GRK3: variants seen among roughly 807,000 people sequenced by gnomAD.
GRK3 encodes G protein-coupled receptor kinase 3, also known as adrenergic, beta, receptor kinase 2.
GRK3 carries 54 observed loss-of-function variants against 95.7 expected under a neutral mutation model. The observed-to-expected ratio is 0.56, with a 90% CI of 0.45 to 0.71. GRK3 has a LOEUF of 0.71. Ranked by LOEUF, GRK3 falls within the 30% of genes least tolerant of loss-of-function variation. The pLI is 0.00. For missense variants in GRK3, 649 were observed against 851.2 expected, an observed-to-expected ratio of 0.76 and a Z score of 2.96; for synonymous variants, 281 against 290.8, an observed-to-expected ratio of 0.97 and a Z score of 0.34.
intron 3 of GRK3, chr22:25,647,640 A>C: frequency 6.8e-7 from 1 of 1,462,112 alleles, no homozygotes. Flanking sequence ...ATACAGAAGG[A>C]GACTGGTGGG....
chr22:25,589,931 G>C (rs1394931168), intron 1 of GRK3, among the ~76,000 whole-genome samples: 1 of 152,132 alleles, frequency 6.6e-6, no homozygotes, highest in South Asian at 2.1e-4. Context: ...ATCAGATCTC[G>C]TGAGACTAAT....
chr22:25,700,875 C>T (rs1428024985), intron 13 of GRK3, among the ~76,000 whole-genome samples: 2 of 152,200 alleles, frequency 1.3e-5, no homozygotes, highest in East Asian at 1.9e-4. Flanking sequence ...TGACCCACCG[C>T]GCCCGGCCTC....
intron 1 of GRK3, among the ~76,000 whole-genome samples, chr22:25,593,051 C>T (rs1470197074): frequency 1.3e-5 from 2 of 151,892 alleles, no homozygotes; most frequent in Non-Finnish European, 2.9e-5. Flanking sequence ...TTTTCTTTAT[C>T]CAGTCCACCA....
chr22:25,663,784 A>G lies in GRK3; in HGVS notation c.441+80A>G, dbSNP rs1569184436. The G allele has an allele frequency of 7.3e-6, 7 of 961,802 alleles. No homozygotes were observed. In the East Asian group the frequency reaches 1.2e-4, roughly 17 times the overall value. The allele number at this position is 961,802 out of a possible 1,614,324, so 59.6% of individuals were successfully genotyped here. On this transcript the variant is annotated intron_variant, in intron 5 of 20. Coordinates refer to ENST00000324198, the MANE Select transcript of GRK3 (RefSeq NM_005160.4). ...TGGTGACATTCTTTTTGCATGTGCA[A>G]TTACACTAGAGGACTTGCTTTGTAA...
intron 3 of GRK3, among the ~76,000 whole-genome samples, chr22:25,660,947 T>G (rs2146400467): frequency 6.6e-6 from 1 of 152,334 alleles, no homozygotes; most frequent in South Asian, 2.1e-4. Context: ...CCAACCAGGT[T>G]ACCTTTGCTG....
At position 25,705,031 on chromosome 22, in the gene GRK3, A is replaced by G. The variant is rs1020652149; in HGVS notation, c.1328+822A>G. On this transcript the variant is annotated intron_variant, in intron 15 of 20. Coordinates refer to ENST00000324198, the MANE Select transcript of GRK3 (RefSeq NM_005160.4). ...TAACTTTTAACTGTATATTACCTAT[A>G]TGTATATCATACATATGTGTATGTA... is the stretch of plus-strand genomic sequence containing the variant. 3.3e-5 allele frequency among the ~76,000 whole-genome samples: 5 copies of G among 152,260 alleles called. No individual in the cohort carries two copies. In the East Asian group the frequency reaches 5.8e-4, roughly 18 times the overall value.
At position 25,704,112 on chromosome 22, in the gene GRK3, G is replaced by A. The variant is rs1316665820; in HGVS notation, c.1231G>A (p.Val411Met). Residue 411 changes from valine to methionine, a missense_variant, in exon 15 of 21, where the codon GTG becomes ATG. By Grantham distance (21) the Val-to-Met change is conservative. Transcript: ENST00000324198. ...ATCTTACTCGTCTTTTCCCCAGAATGTGGAACTTCCAGACACCTTCTCTCC... is the reference window on the plus strand; with the variant it reads ...ATCTTACTCGTCTTTTCCCCAGAATATGGAACTTCCAGACACCTTCTCTCC... ...EIDRMTLTVNVELPDTFSPEL... is the reference protein window; with the variant it reads ...EIDRMTLTVNMELPDTFSPEL... 3.1e-6 allele frequency: 5 copies of A among 1,610,510 alleles called. No individual in the cohort carries two copies. The highest frequency in any genetic ancestry group is 2.5e-6 in the Non-Finnish European group (3 of 1,177,982).
At chr22:25,715,345 C>G (rs921147545) in intron 18 of GRK3, among the ~76,000 whole-genome samples, 1 of 152,144 alleles carries the variant, frequency 6.6e-6, no homozygotes, top group Non-Finnish European at 1.5e-5. Flanking sequence ...GAAACCCCAT[C>G]TCTACAAAAA....
chr22:25,717,657 G>A (rs2085397556), intron 18 of GRK3, among the ~76,000 whole-genome samples: 1 of 151,956 alleles, frequency 6.6e-6, no homozygotes. Flanking sequence ...CTTTTTTTAA[G>A]GACACAGTCC....
intron 1 of GRK3, among the ~76,000 whole-genome samples, chr22:25,576,396 T>G (rs933864839): frequency 1.3e-5 from 2 of 152,196 alleles, no homozygotes; most frequent in African/African-American, 4.8e-5. Flanking sequence ...CCATTGTAAT[T>G]GGTGGGCACA....
chr22:25,710,572 G>T (rs958946393), intron 16 of GRK3, among the ~76,000 whole-genome samples: 1 of 152,218 alleles, frequency 6.6e-6, no homozygotes, highest in African/African-American at 2.4e-5. Flanking sequence ...AACTCAAGCT[G>T]CAGAGAAATG....
At position 25,723,966 on chromosome 22, in the gene GRK3, T is replaced by A. The variant is rs2085454445; in HGVS notation, c.*1516T>A. On this transcript the variant is annotated 3_prime_UTR_variant, in exon 21 of 21. Transcript: ENST00000324198. ...ACTTTGCAAAAAAAAAAATGTGGGT[T>A]TTTTTTTTTGTCTATCTCAACTACT... The A allele has an allele frequency of 2.8e-5, 4 of 140,782 alleles. No individual in the cohort carries two copies. In the South Asian group the frequency reaches 8.6e-4, roughly 30 times the overall value. The allele number at this position is 140,782 out of a possible 1,614,324, so 8.7% of individuals were successfully genotyped here. A position where few individuals can be genotyped will look rare whatever the true frequency, so the allele number is the denominator to read the frequency against.
intron 12 of GRK3, among the ~76,000 whole-genome samples, chr22:25,691,731 C>T (rs2085166218): frequency 6.6e-6 from 1 of 152,156 alleles, no homozygotes; most frequent in East Asian, 1.9e-4. Flanking sequence ...AAATAATCTT[C>T]CAGAGGAATT....
intron 17 of GRK3, among the ~76,000 whole-genome samples, chr22:25,713,880 T>C (rs942346699): frequency 6.6e-6 from 1 of 152,176 alleles, no homozygotes; most frequent in Non-Finnish European, 1.5e-5. Context: ...AAACTGTAAA[T>C]AGTTGGAAGG....
chr22:25,588,628 T>G (rs1932394934), intron 1 of GRK3, among the ~76,000 whole-genome samples: 1 of 152,172 alleles, frequency 6.6e-6, no homozygotes, highest in African/African-American at 2.4e-5. Context: ...TGGAAAATAC[T>G]TAGTAACTAC....
intron 3 of GRK3, among the ~76,000 whole-genome samples, chr22:25,645,636 A>G (rs2084775731): frequency 6.6e-6 from 1 of 152,162 alleles, no homozygotes; most frequent in Non-Finnish European, 1.5e-5. Context: ...AACAGGATCA[A>G]AGCAGGCCAG....
chr22:25,648,073 G>T, intron 3 of GRK3: 1 of 538,948 alleles, frequency 1.9e-6, no homozygotes, highest in Non-Finnish European at 3.3e-6. Flanking sequence ...CTGAGATCGC[G>T]CCACTGCACT....
chr22:25,678,270 C>T (rs371589543), intron 8 of GRK3, among the ~76,000 whole-genome samples: 44 of 152,036 alleles, frequency 2.9e-4, no homozygotes, highest in African/African-American at 9.6e-4. Context: ...CTGGCTAACA[C>T]GGTGAAACCC....
rs568852746 is a variant in GRK3, at chr22:25,615,029, G to A, written c.190+10576G>A. Among the ~76,000 whole-genome samples, 8 of 152,224 alleles carry A rather than the reference G, an allele frequency of 5.3e-5. No homozygotes were observed. The East Asian group carries it at 1.5e-3, about 29-fold the overall frequency. ...ACAGTTGTTAAGTGTGTTTACTATCGCCAAGCAGCCCCTGAGATTCCCAGA... is the reference window on the plus strand; with the variant it reads ...ACAGTTGTTAAGTGTGTTTACTATCACCAAGCAGCCCCTGAGATTCCCAGA... On this transcript the variant is annotated intron_variant, in intron 2 of 20. Transcript: ENST00000324198.
Sources: gnomAD v4.1 joint callset for allele counts (sites outside exome capture counted in the v4.1 genomes callset) on GRCh38, gnomAD v4.1.1 for gene constraint, MANE v1.5 for transcripts, NCBI Gene and HGNC (gene_info 2026-07-23, HGNC 2026-07-21) for gene names.